Variants in ARHGAP10 observed in about 807,000 individuals in gnomAD.
The protein encoded by ARHGAP10 is rho GTPase-activating protein 10.
In ARHGAP10, 87 loss-of-function variants were observed where a neutral mutation model predicts 108.6. That is an observed-to-expected ratio of 0.80 (90% CI 0.67 to 0.96). The LOEUF (loss-of-function observed/expected upper bound fraction) is 0.96, where lower values mean the gene tolerates loss of function less well. Ranked by LOEUF, ARHGAP10 falls within the 40% of genes least tolerant of loss-of-function variation. The pLI is 0.00. For synonymous variants in ARHGAP10, 347 were observed against 341.1 expected (o/e 1.02, Z -0.19); for missense variants, 939 against 954.5 (o/e 0.98, Z 0.21).
At chr4:147,917,234 G>A (rs1394483353) in intron 13 of ARHGAP10, 5 of 152,202 alleles carry the variant, frequency 3.3e-5, no homozygotes, top group Admixed American at 6.5e-5. Context: ...TGACCACAGA[G>A]CAGAAGAGCC....
intron 1 of ARHGAP10, among the ~76,000 whole-genome samples, chr4:147,753,960 T>A (rs1338673739): frequency 6.6e-6 from 1 of 152,220 alleles, no homozygotes; most frequent in Non-Finnish European, 1.5e-5. Flanking sequence ...CTTCCATTCA[T>A]CTGCTACTAC....
chr4:147,756,881 T>C (rs1184905674), intron 1 of ARHGAP10, among the ~76,000 whole-genome samples: 2 of 150,710 alleles, frequency 1.3e-5, no homozygotes, highest in Non-Finnish European at 2.9e-5. Flanking sequence ...GGTTGTGTAA[T>C]TGTTTTTTTT....
chr4:147,751,955 G>A (rs755255846), intron 1 of ARHGAP10, among the ~76,000 whole-genome samples: 1 of 147,996 alleles, frequency 6.8e-6, no homozygotes, highest in African/African-American at 2.5e-5. Context: ...GCATGATCTC[G>A]ACTCACTGCC....
At chr4:147,845,454 T>G (rs550785364) in intron 3 of ARHGAP10, among the ~76,000 whole-genome samples, 2 of 152,206 alleles carry the variant, frequency 1.3e-5, no homozygotes, top group Non-Finnish European at 2.9e-5. Context: ...TCTCGTAAAA[T>G]AGATAAATAT....
intron 18 of ARHGAP10, among the ~76,000 whole-genome samples, chr4:147,986,196 A>G (rs1740040105): frequency 6.6e-6 from 1 of 151,952 alleles, no homozygotes; most frequent in Admixed American, 6.6e-5. Context: ...AAATAAGAAA[A>G]ACGGAACTAC....
chr4:147,897,213 G>C (rs1736029372), intron 10 of ARHGAP10, among the ~76,000 whole-genome samples: 1 of 151,044 alleles, frequency 6.6e-6, no homozygotes, highest in Non-Finnish European at 1.5e-5. Flanking sequence ...AAATATGCTA[G>C]CCATTGCTTT....
intron 1 of ARHGAP10, among the ~76,000 whole-genome samples, chr4:147,786,109 ACAGG>A: frequency 6.6e-6 from 1 of 152,136 alleles, no homozygotes. Context: ...TAAAAGTAAG[ACAGG>A]GGGAGACCCT....
intron 13 of ARHGAP10, among the ~76,000 whole-genome samples, chr4:147,933,694 C>A (rs541601784): frequency 6.6e-6 from 1 of 151,488 alleles, no homozygotes; most frequent in African/African-American, 2.4e-5. Context: ...CTGGCCAAGA[C>A]CTGAGTCCAG....
chr4:147,986,521 C>G (rs1368134643), intron 18 of ARHGAP10, among the ~76,000 whole-genome samples: 1 of 152,102 alleles, frequency 6.6e-6, no homozygotes, highest in Admixed American at 6.5e-5. Flanking sequence ...GGAAAGCAAA[C>G]TCCTCTCCCC....
chr4:147,977,742 A>C (rs1352512660), intron 18 of ARHGAP10, among the ~76,000 whole-genome samples: 1 of 151,924 alleles, frequency 6.6e-6, no homozygotes, highest in African/African-American at 2.4e-5. Context: ...TGGAGCTTTG[A>C]TCCTGTCACC....
chr4:147,987,366 G>A (rs989283098), intron 18 of ARHGAP10, among the ~76,000 whole-genome samples: 6 of 152,090 alleles, frequency 3.9e-5, no homozygotes, highest in East Asian at 1.9e-4. Flanking sequence ...CTTCTAGATC[G>A]GCAGGATTGG....
At chr4:147,871,121 G>A (rs574410353) in intron 7 of ARHGAP10, among the ~76,000 whole-genome samples, 35 of 152,104 alleles carry the variant, frequency 2.3e-4, no homozygotes, top group African/African-American at 7.5e-4. Flanking sequence ...CACCGTGCCC[G>A]GCTAATTTTT....
At chr4:147,789,490 C>T (rs976838172) in intron 1 of ARHGAP10, among the ~76,000 whole-genome samples, 6 of 152,202 alleles carry the variant, frequency 3.9e-5, no homozygotes, top group African/African-American at 1.4e-4. Flanking sequence ...TAGGGTTTCA[C>T]TCTGTTGACC....
At chr4:147,779,956 T>C (rs1194429376) in intron 1 of ARHGAP10, among the ~76,000 whole-genome samples, 1 of 152,184 alleles carries the variant, frequency 6.6e-6, no homozygotes, top group Non-Finnish European at 1.5e-5. Context: ...CGAGTATGAG[T>C]GGGACAATGT....
chr4:147,889,859 C>G (rs770501967), intron 10 of ARHGAP10, among the ~76,000 whole-genome samples: 2 of 152,118 alleles, frequency 1.3e-5, no homozygotes, highest in South Asian at 4.1e-4. Flanking sequence ...GATTTGGTTG[C>G]ATGTAACAGA....
intron 19 of ARHGAP10, among the ~76,000 whole-genome samples, chr4:148,037,852 A>G (rs534184931): frequency 2.0e-5 from 3 of 152,036 alleles, no homozygotes; most frequent in South Asian, 4.2e-4. Flanking sequence ...AAAAAAAGAA[A>G]AGAATGGATG....
At chr4:147,995,968 C>T (rs967330317) in intron 18 of ARHGAP10, among the ~76,000 whole-genome samples, 49 of 152,210 alleles carry the variant, frequency 3.2e-4, no homozygotes, top group African/African-American at 1.1e-3. Context: ...CCGCCTGCCT[C>T]AGCCTCCCAA....
chr4:147,824,022 A>G (rs1732606841), intron 3 of ARHGAP10, among the ~76,000 whole-genome samples: 1 of 152,214 alleles, frequency 6.6e-6, no homozygotes, highest in African/African-American at 2.4e-5. Flanking sequence ...CAGGCTTAAA[A>G]AAAAACACAG....
chr4:147,763,899 C>T (rs955745953), intron 1 of ARHGAP10, among the ~76,000 whole-genome samples: 3 of 151,978 alleles, frequency 2.0e-5, no homozygotes, highest in African/African-American at 4.8e-5. Context: ...GGATTACAGG[C>T]GTACGCCGCC....
Sources: gnomAD v4.1 joint callset for allele counts (sites outside exome capture counted in the v4.1 genomes callset) on GRCh38, gnomAD v4.1.1 for gene constraint, MANE v1.5 for transcripts, NCBI Gene and HGNC (gene_info 2026-07-23, HGNC 2026-07-21) for gene names.